ANKFN1: variants seen among roughly 807,000 people sequenced by gnomAD.
ANKFN1 encodes the protein ankyrin repeat and fibronectin type-III domain-containing protein 1.
Under a neutral mutation model 108.7 loss-of-function variants are expected in ANKFN1, and 74 were observed. The observed-to-expected ratio is 0.68, with a 90% CI of 0.56 to 0.83. ANKFN1 has a LOEUF of 0.83. ANKFN1 is among the 40% of genes least tolerant of loss of function. The probability of loss-of-function intolerance (pLI) is 0.00; values close to 1 mark genes in which losing one functional copy is unlikely to be tolerated. For synonymous variants in ANKFN1, 547 were observed against 516.2 expected (o/e 1.06, Z -0.81); for missense variants, 1,505 against 1,382.3 (o/e 1.09, Z -1.41).
chr17:56,090,311 G>A (rs899092750), intron 4 of ANKFN1, among the ~76,000 whole-genome samples: 6 of 151,214 alleles, frequency 4.0e-5, no homozygotes, highest in African/African-American at 1.5e-4. Context: ...GAAAAGCACA[G>A]GAAGAGAGCA....
intron 6 of ANKFN1, among the ~76,000 whole-genome samples, chr17:56,371,471 G>A (rs2046808624): frequency 6.6e-6 from 1 of 152,148 alleles, no homozygotes; most frequent in Non-Finnish European, 1.5e-5. Context: ...ATTTTCACTT[G>A]AGTTATCTTC....
chr17:56,397,554 A>G (rs746084842), intron 8 of ANKFN1, among the ~76,000 whole-genome samples: 72 of 152,320 alleles, frequency 4.7e-4, no homozygotes, highest in Non-Finnish European at 8.8e-5. Flanking sequence ...GAAAAATGAG[A>G]TTAACTATAT....
chr17:56,249,129 C>T (rs1228740677), intron 3 of ANKFN1, among the ~76,000 whole-genome samples: 1 of 152,038 alleles, frequency 6.6e-6, no homozygotes, highest in Admixed American at 6.6e-5. Context: ...TGAAATTTTC[C>T]TAAGAGAATG....
intron 6 of ANKFN1, among the ~76,000 whole-genome samples, chr17:56,366,166 T>A (rs1208859392): frequency 1.3e-5 from 2 of 152,194 alleles, no homozygotes; most frequent in African/African-American, 4.8e-5. Flanking sequence ...AGTTTAAAAT[T>A]TTTTTTAATT....
intron 3 of ANKFN1, among the ~76,000 whole-genome samples, chr17:56,283,823 C>T (rs928761130): frequency 6.6e-6 from 1 of 151,994 alleles, no homozygotes; most frequent in Non-Finnish European, 1.5e-5. Flanking sequence ...ACCAAAATCT[C>T]ACAAATCACC....
intron 8 of ANKFN1, among the ~76,000 whole-genome samples, chr17:56,393,884 GC>G (rs1264221506): frequency 1.1e-4 from 17 of 152,184 alleles, no homozygotes; most frequent in Admixed American, 4.6e-4. Context: ...GGAGTTCCTA[GC>G]CAAGCAGTGC....
At chr17:56,280,506 G>A (rs1420552634) in intron 3 of ANKFN1, among the ~76,000 whole-genome samples, 1 of 152,058 alleles carries the variant, frequency 6.6e-6, no homozygotes, top group African/African-American at 2.4e-5. Flanking sequence ...GGATGCCCTG[G>A]TTCTGAAGCC....
chr17:56,128,092 CT>C (rs1907042747), intron 4 of ANKFN1, among the ~76,000 whole-genome samples: 1 of 152,176 alleles, frequency 6.6e-6, no homozygotes, highest in South Asian at 2.1e-4. Flanking sequence ...AAGATTTCTG[CT>C]TTCATAGGAG....
At chr17:56,432,015 C>T (rs2048772727) in intron 8 of ANKFN1, among the ~76,000 whole-genome samples, 1 of 152,208 alleles carries the variant, frequency 6.6e-6, no homozygotes, top group Non-Finnish European at 1.5e-5. Context: ...CAGGAAACAT[C>T]TCCAGGAGAG....
chr17:56,371,485 A>G (rs1181175847), intron 6 of ANKFN1, among the ~76,000 whole-genome samples: 1 of 152,210 alleles, frequency 6.6e-6, no homozygotes, highest in Non-Finnish European at 1.5e-5. Flanking sequence ...TATCTTCACA[A>G]TATTTTCCCC....
chr17:56,511,213 A>C lies in ANKFN1; in HGVS notation c.3385A>C (p.Ser1129Arg), dbSNP rs938683553. The C allele has an allele frequency of 1.3e-6, 2 of 1,534,372 alleles. No individual in the cohort carries two copies. The highest frequency in any genetic ancestry group is 2.7e-5 in the African/African-American group (2 of 73,010). Residue 1129 changes from serine to arginine, a missense_variant, in exon 21 of 21, where the codon AGT becomes CGT. Ser to Arg is a moderately radical substitution (Grantham distance 110, BLOSUM62 -1). Transcript: ENST00000682825. ...GCCCAGCCCCACTGGCCCCGATGTG[A>C]GTCAGGAGGGCCCCACCGCCTCTCC... ...TLPSPTGPDV[S>R]QEGPTASPMS...
chr17:56,057,994 C>T (rs1315922866), intron 4 of ANKFN1, among the ~76,000 whole-genome samples: 1 of 152,148 alleles, frequency 6.6e-6, no homozygotes, highest in Non-Finnish European at 1.5e-5. Context: ...TACTTTTCAA[C>T]AATGGATTTA....
rs113698473 is a variant in ANKFN1 at position 56,267,964 on chromosome 17, C to T, written c.53+40007C>T. ...CATTTTGATAGAAATAGCGCTGAAT[C>T]TGTAAATTATTTCAGGAAGTATGGC... On this transcript the variant is annotated intron_variant, in intron 3 of 20. Transcript: ENST00000682825. 3.1e-3 allele frequency among the ~76,000 whole-genome samples: 471 copies of T among 152,156 alleles called. 2 individuals carry two copies. The highest frequency in any genetic ancestry group is 0.011 in the African/African-American group (446 of 41,514).
intron 4 of ANKFN1, among the ~76,000 whole-genome samples, chr17:56,130,025 C>T (rs1907180696): frequency 6.6e-6 from 1 of 152,220 alleles, no homozygotes; most frequent in East Asian, 1.9e-4. Flanking sequence ...AAAATAACCT[C>T]GCTATAGATT....
rs1184581505 is a variant in ANKFN1, at chr17:56,515,585, C to T, written c.*4316C>T. Among the ~76,000 whole-genome samples, 2 of 152,172 alleles carry T rather than the reference C, an allele frequency of 1.3e-5. No homozygotes were observed. Among genetic ancestry groups the T allele is most frequent in the East Asian group, 3.8e-4 (2 of 5,196 alleles). Reference sequence around the variant, plus strand: ...TAAGCTAAACTTCAATGCGGCCTTACAAACAACAAGGGTAGTGTATTTGAA... The same window carrying T: ...TAAGCTAAACTTCAATGCGGCCTTATAAACAACAAGGGTAGTGTATTTGAA... On this transcript the variant is annotated 3_prime_UTR_variant, in exon 21 of 21. Transcript: ENST00000682825.
chr17:56,066,647 A>C (rs573871561), intron 4 of ANKFN1, among the ~76,000 whole-genome samples: 9 of 152,302 alleles, frequency 5.9e-5, no homozygotes, highest in Admixed American at 2.0e-4. Flanking sequence ...AAGGTTCAAT[A>C]GTGTTAAGTA....
At chr17:56,115,195 G>C (rs1906190292) in intron 4 of ANKFN1, among the ~76,000 whole-genome samples, 1 of 152,166 alleles carries the variant, frequency 6.6e-6, no homozygotes, top group South Asian at 2.1e-4. Context: ...TACTCTTCTT[G>C]TTATTACCTT....
At chr17:56,047,761 G>A (rs1397200185) in intron 4 of ANKFN1, among the ~76,000 whole-genome samples, 3 of 152,098 alleles carry the variant, frequency 2.0e-5, no homozygotes. Flanking sequence ...CCATCCAAGT[G>A]GACAGGGCTC....
At chr17:56,437,901 C>A (rs184364850) in intron 8 of ANKFN1, among the ~76,000 whole-genome samples, 8 of 149,778 alleles carry the variant, frequency 5.3e-5, no homozygotes, top group African/African-American at 2.0e-4. Flanking sequence ...TTTCAAGGGG[C>A]AAGAAACTAG....
Sources: gnomAD v4.1 joint callset for allele counts (sites outside exome capture counted in the v4.1 genomes callset) on GRCh38, gnomAD v4.1.1 for gene constraint, MANE v1.5 for transcripts, NCBI Gene and HGNC (gene_info 2026-07-23, HGNC 2026-07-21) for gene names.